ITFG1: variants seen among roughly 807,000 people sequenced by gnomAD.
ITFG1 encodes the protein integrin alpha FG-GAP repeat containing 1.
A neutral mutation model predicts 81.8 loss-of-function variants in ITFG1; 34 were observed. That is an observed-to-expected ratio of 0.42 (90% CI 0.32 to 0.55). The LOEUF (loss-of-function observed/expected upper bound fraction) is 0.55, where lower values mean the gene tolerates loss of function less well. Among genes scored for constraint, ITFG1 ranks in the 20% least tolerant of loss-of-function variants. The probability of loss-of-function intolerance (pLI) is 0.17; values close to 1 mark genes in which losing one functional copy is unlikely to be tolerated. For synonymous variants in ITFG1, 285 were observed against 270.6 expected (o/e 1.05, Z -0.52); for missense variants, 672 against 755.4 (o/e 0.89, Z 1.29).
intron 8 of ITFG1, among the ~76,000 whole-genome samples, chr16:47,358,423 G>A (rs1310041934): frequency 6.6e-6 from 1 of 152,154 alleles, no homozygotes; most frequent in Non-Finnish European, 1.5e-5. Flanking sequence ...GATAATGTAT[G>A]TTGTTATCTA....
At chr16:47,315,812 G>A (rs1967347889) in intron 8 of ITFG1, among the ~76,000 whole-genome samples, 2 of 136,940 alleles carry the variant, frequency 1.5e-5, no homozygotes, top group African/African-American at 6.6e-5. Context: ...TTTTTTTGAG[G>A]CAGAGTCTTG....
rs67062030 is a variant in ITFG1, at chr16:47,306,652, T to TAA, written c.1070+4586_1070+4587dup. Among the ~76,000 whole-genome samples, 1,137 of 145,284 alleles carry TAA rather than the reference T, an allele frequency of 7.8e-3. 18 individuals carry two copies. The highest frequency in any genetic ancestry group is 0.027 in the African/African-American group (1,076 of 39,930). ...TATTCAATGAAATAATGTAAAAAATTAAAAAAAAAACTTGAAGAAAGCAAA... is the reference window on the plus strand; with the variant it reads ...TATTCAATGAAATAATGTAAAAAATTAAAAAAAAAAAACTTGAAGAAAGCAAA... On this transcript the variant is annotated intron_variant, in intron 10 of 17. Coordinates refer to ENST00000320640, the MANE Select transcript of ITFG1 (RefSeq NM_030790.5).
chr16:47,357,614 CA>C (rs75054901), intron 8 of ITFG1, among the ~76,000 whole-genome samples: 1,361 of 61,114 alleles, frequency 0.022, 13 homozygotes, highest in African/African-American at 0.067. Flanking sequence ...GACTCCGTCT[CA>C]AAAAAAAAAA....
chr16:47,287,482 C>A (rs1966874418), intron 10 of ITFG1, among the ~76,000 whole-genome samples: 1 of 152,158 alleles, frequency 6.6e-6, no homozygotes, highest in Non-Finnish European at 1.5e-5. Context: ...CTCACTGCAG[C>A]CTTGACCTCC....
chr16:47,320,986 G>C (rs954180434), intron 8 of ITFG1, among the ~76,000 whole-genome samples: 1 of 152,142 alleles, frequency 6.6e-6, no homozygotes, highest in African/African-American at 2.4e-5. Context: ...AAATGGAATG[G>C]CTAAATATTT....
In ITFG1 at chr16:47,313,826, G is replaced by A; in HGVS notation, c.803-3C>T. 6.4e-7 allele frequency: 1 copy of A among 1,574,416 alleles called. No individual in the cohort carries two copies. The highest frequency in any genetic ancestry group is 1.4e-5 in the African/African-American group (1 of 73,282). On this transcript the variant is annotated splice_region_variant and splice_polypyrimidine_tract_variant and intron_variant, in intron 8 of 17. Coordinates refer to ENST00000320640, the MANE Select transcript of ITFG1 (RefSeq NM_030790.5). ...ATGATCCATGTGTCCATCTCCATCT[G>A]CCAAAAGAAACTTCAAGAGTCCATT...
At chr16:47,277,108 C>T (rs1966405544) in intron 10 of ITFG1, among the ~76,000 whole-genome samples, 1 of 152,062 alleles carries the variant, frequency 6.6e-6, no homozygotes, top group Non-Finnish European at 1.5e-5. Flanking sequence ...TACTGAATAC[C>T]ACTGAGTTAT....
chr16:47,330,036 T>C (rs1967615676), intron 8 of ITFG1, among the ~76,000 whole-genome samples: 1 of 152,008 alleles, frequency 6.6e-6, no homozygotes, highest in South Asian at 2.1e-4. Flanking sequence ...CTGGAGAACA[T>C]AAATGAAAGA....
rs1408689917 is a variant in ITFG1 at position 47,376,976 on chromosome 16, A to AT, written c.656-1037_656-1036insA. ...GACTCTGTCTCCCCAAAAAAAAAAA[A>AT]AAAAAAAAAAAAAAGATTCAGAGTG... On this transcript the variant is annotated intron_variant, in intron 6 of 17. Coordinates refer to ENST00000320640, the MANE Select transcript of ITFG1 (RefSeq NM_030790.5). Among the ~76,000 whole-genome samples the AT allele has an allele frequency of 1.7e-4, 26 of 151,018 alleles. 1 individual carries two copies. Among genetic ancestry groups the AT allele is most frequent in the African/African-American group, 6.1e-4 (25 of 41,214 alleles).
intron 10 of ITFG1, among the ~76,000 whole-genome samples, chr16:47,267,084 G>T (rs1374276869): frequency 6.6e-6 from 1 of 152,104 alleles, no homozygotes; most frequent in Non-Finnish European, 1.5e-5. Flanking sequence ...TTCATTCGGG[G>T]TTAATGAAAA....
intron 6 of ITFG1, among the ~76,000 whole-genome samples, chr16:47,424,558 T>C (rs1217398617): frequency 1.3e-5 from 2 of 152,230 alleles, no homozygotes; most frequent in Non-Finnish European, 2.9e-5. Flanking sequence ...TTTCTCCCCA[T>C]CTTTGTGGTT....
intron 14 of ITFG1, among the ~76,000 whole-genome samples, chr16:47,212,748 G>A (rs1258908788): frequency 1.3e-5 from 2 of 152,106 alleles, no homozygotes; most frequent in East Asian, 3.8e-4. Flanking sequence ...TTATCCTTTT[G>A]ATATCTTCAG....
At chr16:47,367,417 T>C (rs1011915110) in intron 7 of ITFG1, among the ~76,000 whole-genome samples, 1 of 152,228 alleles carries the variant, frequency 6.6e-6, no homozygotes, top group Non-Finnish European at 1.5e-5. Context: ...CCTCTAATCA[T>C]GTCTTGGTCA....
Position 47,218,955 on chromosome 16 carries a change from G to GA in ITFG1, c.1375-10dup, listed in dbSNP as rs755731953. The stretch of plus-strand genomic sequence containing the variant: ...TGATTCACTCCAAAGGGCTGCAATA[G>GA]AAAAAAAAAATAGTTAAGGCTTGGA... On this transcript the variant is annotated splice_polypyrimidine_tract_variant and intron_variant, in intron 13 of 17. Transcript: ENST00000320640. 20,756 of 1,386,632 alleles carry GA rather than the reference G, an allele frequency of 0.015. 18 individuals are homozygous for GA. Among genetic ancestry groups the GA allele is most frequent in the Non-Finnish European group, 0.017 (17,133 of 1,029,930 alleles). 85.9% of individuals were successfully genotyped at this position (1,386,632 alleles called of 1,614,324 possible).
At chr16:47,239,130 C>G (rs1965906032) in intron 12 of ITFG1, among the ~76,000 whole-genome samples, 1 of 152,088 alleles carries the variant, frequency 6.6e-6, no homozygotes, top group Non-Finnish European at 1.5e-5. Flanking sequence ...TTGCCAGTGC[C>G]TTGATCTTGG....
chr16:47,217,131 T>A (rs1280975068), intron 14 of ITFG1, among the ~76,000 whole-genome samples: 1 of 133,620 alleles, frequency 7.5e-6, no homozygotes. Context: ...ATGTACACAA[T>A]GTATCATTAT....
At chr16:47,273,995 G>A (rs1190252134) in intron 10 of ITFG1, among the ~76,000 whole-genome samples, 1 of 152,154 alleles carries the variant, frequency 6.6e-6, no homozygotes, top group Non-Finnish European at 1.5e-5. Context: ...GGTGGCTCAC[G>A]CCTGTATTCC....
chr16:47,382,520 A>G lies in ITFG1; in HGVS notation c.656-6580T>C, dbSNP rs138566062. Among the ~76,000 whole-genome samples, 867 of 152,296 alleles carry G rather than the reference A, an allele frequency of 5.7e-3. 7 individuals carry two copies. The highest frequency in any genetic ancestry group is 0.02 in the African/African-American group (826 of 41,544). On this transcript the variant is annotated intron_variant, in intron 6 of 17. Transcript: ENST00000320640. ...GATGATCTCTAATTCAAGACGGTAC[A>G]CAACAAGTTACAGAGAGACGCAGAC...
intron 10 of ITFG1, among the ~76,000 whole-genome samples, chr16:47,289,886 G>C (rs1490589527): frequency 6.6e-6 from 1 of 151,770 alleles, no homozygotes; most frequent in Non-Finnish European, 1.5e-5. Context: ...AACTAACTTG[G>C]GGTATAGTTT....
Sources: gnomAD v4.1 joint callset for allele counts (sites outside exome capture counted in the v4.1 genomes callset) on GRCh38, gnomAD v4.1.1 for gene constraint, MANE v1.5 for transcripts, NCBI Gene and HGNC (gene_info 2026-07-23, HGNC 2026-07-21) for gene names.